Variants in DGKB observed in about 807,000 individuals in gnomAD.
DGKB encodes 90 kDa diacylglycerol kinase.
DGKB carries 67 observed loss-of-function variants against 114.3 expected under a neutral mutation model. The ratio of observed to expected loss-of-function variants is 0.59; its 90% CI spans 0.48 to 0.72. The LOEUF is 0.72. Among genes scored for constraint, DGKB ranks in the 30% least tolerant of loss-of-function variants. DGKB has a pLI of 0.00. For synonymous variants in DGKB, 398 were observed against 323.1 expected, an observed-to-expected ratio of 1.23 and a Z score of -2.49; for missense variants, 907 against 975.2, an observed-to-expected ratio of 0.93 and a Z score of 0.93.
At chr7:14,421,275 G>T (rs746276192) in intron 21 of DGKB, among the ~76,000 whole-genome samples, 1 of 151,940 alleles carries the variant, frequency 6.6e-6, no homozygotes, top group Non-Finnish European at 1.5e-5. Context: ...TGCTTTTGTT[G>T]CTTGTTCATG....
intron 6 of DGKB, among the ~76,000 whole-genome samples, chr7:14,717,428 T>A (rs1173865185): frequency 1.3e-5 from 2 of 152,146 alleles, no homozygotes; most frequent in Non-Finnish European, 2.9e-5. Flanking sequence ...GAGACAGATT[T>A]CTGTAAGTTC....
At chr7:14,684,379 C>G (rs886428414) in intron 10 of DGKB, among the ~76,000 whole-genome samples, 4 of 152,032 alleles carry the variant, frequency 2.6e-5, no homozygotes, top group African/African-American at 9.7e-5. Context: ...ATGAACTTGA[C>G]AGTTTCAGTA....
chr7:14,399,061 A>G (rs2128722430), intron 21 of DGKB, among the ~76,000 whole-genome samples: 1 of 152,038 alleles, frequency 6.6e-6, no homozygotes, highest in South Asian at 2.1e-4. Context: ...TGAGTTCAGG[A>G]GTTTCCTCGG....
chr7:14,485,462 C>G (rs190012498), intron 20 of DGKB, among the ~76,000 whole-genome samples: 10 of 151,988 alleles, frequency 6.6e-5, no homozygotes, highest in African/African-American at 2.4e-4. Context: ...ACAACCAGGG[C>G]ATTTTTCTAG....
At chr7:14,438,112 T>A (rs943393445) in intron 21 of DGKB, among the ~76,000 whole-genome samples, 2 of 152,052 alleles carry the variant, frequency 1.3e-5, no homozygotes, top group Admixed American at 6.6e-5. Context: ...AACAAGTATC[T>A]ATCTAAATCA....
chr7:14,461,269 A>T (rs1301017141), intron 21 of DGKB, among the ~76,000 whole-genome samples: 1 of 152,026 alleles, frequency 6.6e-6, no homozygotes, highest in Non-Finnish European at 1.5e-5. Context: ...ACTGAAGGAG[A>T]TAGAGACACA....
At chr7:14,946,723 G>A (rs1371543327) in intron 1 of DGKB, among the ~76,000 whole-genome samples, 1 of 151,672 alleles carries the variant, frequency 6.6e-6, no homozygotes, top group African/African-American at 2.4e-5. Context: ...TTGAAGAATA[G>A]AAACTGGAAA....
chr7:14,535,109 C>T (rs368778027), intron 20 of DGKB, among the ~76,000 whole-genome samples: 27 of 152,214 alleles, frequency 1.8e-4, no homozygotes, highest in African/African-American at 6.0e-4. Context: ...GTGGCTCACA[C>T]TTGTAATCCC....
At chr7:14,845,828 T>TAA (rs199838244) in intron 1 of DGKB, among the ~76,000 whole-genome samples, 1 of 141,900 alleles carries the variant, frequency 7.0e-6, no homozygotes. Context: ...GAATGGGCAT[T>TAA]AAAAAAAAAA....
rs1423208221 is a variant in DGKB, at chr7:14,848,381, A to C, written c.-187-6931T>G. 2.0e-5 allele frequency among the ~76,000 whole-genome samples: 3 copies of C among 152,228 alleles called. No individual in the cohort carries two copies. In the East Asian group the frequency reaches 5.8e-4, roughly 29 times the overall value. ...AAATACTAGAATAGAACCAGGATTG[A>C]TGAGAACAGAAAAATCACTATGTTG... On this transcript the variant is annotated intron_variant, in intron 1 of 25. Transcript: ENST00000402815.
chr7:14,666,000 A>G (rs1817955187), intron 13 of DGKB, among the ~76,000 whole-genome samples: 1 of 151,994 alleles, frequency 6.6e-6, no homozygotes, highest in African/African-American at 2.4e-5. Context: ...GAGAAACAGA[A>G]GAGAAATTTA....
intron 5 of DGKB, among the ~76,000 whole-genome samples, chr7:14,725,287 C>T (rs750480066): frequency 6.6e-6 from 1 of 152,142 alleles, no homozygotes; most frequent in Non-Finnish European, 1.5e-5. Context: ...ATTTAAATAG[C>T]AGTGGATAGC....
chr7:14,573,298 A>G (rs1291275403), intron 20 of DGKB, among the ~76,000 whole-genome samples: 5 of 152,144 alleles, frequency 3.3e-5, no homozygotes, highest in Non-Finnish European at 7.4e-5. Context: ...GTACAATCAT[A>G]TTTGTAACTC....
chr7:14,319,156 A>C (rs1405206390), intron 23 of DGKB, among the ~76,000 whole-genome samples: 1 of 127,802 alleles, frequency 7.8e-6, no homozygotes, highest in East Asian at 2.8e-4. Context: ...GGGAGGGGGG[A>C]GGGATAGCAT....
At chr7:14,868,782 T>A (rs761816550) in intron 1 of DGKB, among the ~76,000 whole-genome samples, 23 of 152,152 alleles carry the variant, frequency 1.5e-4, no homozygotes, top group Non-Finnish European at 4.4e-5. Context: ...TGTGGGAAAA[T>A]GGTGACTACC....
intron 6 of DGKB, among the ~76,000 whole-genome samples, chr7:14,702,649 G>C (rs1485107521): frequency 6.6e-6 from 1 of 152,084 alleles, no homozygotes; most frequent in Non-Finnish European, 1.5e-5. Flanking sequence ...TAGAAGAATG[G>C]AAGTACGGGT....
At chr7:14,716,938 T>G (rs1828289243) in intron 6 of DGKB, among the ~76,000 whole-genome samples, 1 of 151,172 alleles carries the variant, frequency 6.6e-6, no homozygotes, top group South Asian at 2.1e-4. Flanking sequence ...GAAGAAATGG[T>G]TTAAAACAAA....
chr7:14,280,892 G>T (rs907598246), intron 23 of DGKB, among the ~76,000 whole-genome samples: 22 of 151,818 alleles, frequency 1.4e-4, no homozygotes, highest in Non-Finnish European at 3.1e-4. Context: ...ACCAGTACCA[G>T]CCACTGCAAA....
intron 16 of DGKB, among the ~76,000 whole-genome samples, chr7:14,608,514 C>A (rs966915353): frequency 6.6e-6 from 1 of 151,912 alleles, no homozygotes; most frequent in Non-Finnish European, 1.5e-5. Context: ...AAGAATTCCC[C>A]TTCAAAACTG....
Sources: allele counts gnomAD v4.1 joint callset (sites outside exome capture counted in the v4.1 genomes callset), GRCh38; gene constraint gnomAD v4.1.1; transcripts MANE v1.5; gene names NCBI Gene and HGNC (gene_info 2026-07-23, HGNC 2026-07-21).